PRKCE: variants seen among roughly 807,000 people sequenced by gnomAD.
The protein encoded by PRKCE is protein kinase C epsilon, also known as protein kinase C epsilon type.
In PRKCE, 16 loss-of-function variants were observed where a neutral mutation model predicts 85.4. That is an observed-to-expected ratio of 0.19 (90% confidence interval 0.13 to 0.28). The LOEUF (loss-of-function observed/expected upper bound fraction) is 0.28. PRKCE is among the 10% of genes least tolerant of loss of function. PRKCE has a pLI of 1.00. For missense variants in PRKCE, 573 were observed against 975.2 expected (o/e 0.59, Z 5.49); for synonymous variants, 388 against 371.5 (o/e 1.04, Z -0.51).
intron 2 of PRKCE, among the ~76,000 whole-genome samples, chr2:45,936,003 G>C (rs1182904561): frequency 6.6e-6 from 1 of 152,178 alleles, no homozygotes; most frequent in Admixed American, 6.5e-5. Context: ...GGGTTCCCAT[G>C]TCTATTGGTG....
intron 11 of PRKCE, among the ~76,000 whole-genome samples, chr2:46,106,977 C>A (rs1024840751): frequency 2.6e-5 from 4 of 152,230 alleles, no homozygotes; most frequent in Non-Finnish European, 4.4e-5. Flanking sequence ...TGCACTCCAT[C>A]TGGGATTTCT....
At chr2:46,007,372 G>C in intron 8 of PRKCE, 90 bp from the exon 9 acceptor site, 3 of 1,298,264 alleles carry the variant, frequency 2.3e-6, no homozygotes, top group South Asian at 1.3e-5. Flanking sequence ...AGGACTGAGA[G>C]CTTACAGGGG....
At chr2:46,009,091 G>A (rs958129664) in intron 9 of PRKCE, among the ~76,000 whole-genome samples, 5 of 152,192 alleles carry the variant, frequency 3.3e-5, no homozygotes, top group Admixed American at 2.0e-4. Flanking sequence ...GTAGGTAAAT[G>A]AGTGCAAAAA....
At chr2:46,116,766 A>G (rs1213803354) in intron 11 of PRKCE, among the ~76,000 whole-genome samples, 1 of 152,126 alleles carries the variant, frequency 6.6e-6, no homozygotes, top group Non-Finnish European at 1.5e-5. Flanking sequence ...AAGCCCCTTG[A>G]AGGTCTGGCT....
intron 1 of PRKCE, among the ~76,000 whole-genome samples, chr2:45,724,355 C>T (rs934111679): frequency 3.3e-5 from 5 of 152,184 alleles, no homozygotes; most frequent in African/African-American, 1.2e-4. Flanking sequence ...CCTTACTGCT[C>T]CTCCAACTAG....
intron 1 of PRKCE, among the ~76,000 whole-genome samples, chr2:45,815,571 C>T (rs1451513637): frequency 6.6e-6 from 1 of 152,208 alleles, no homozygotes; most frequent in African/African-American, 2.4e-5. Flanking sequence ...GAAGCACTTC[C>T]TGACCAGTCA....
At chr2:46,025,100 ATTG>A (rs916416476) in intron 10 of PRKCE, among the ~76,000 whole-genome samples, 1 of 152,222 alleles carries the variant, frequency 6.6e-6, no homozygotes, top group African/African-American at 2.4e-5. Context: ...TGTAGGTGTG[ATTG>A]TTGACCTTGC....
chr2:45,835,883 C>T (rs1042688291), intron 1 of PRKCE, among the ~76,000 whole-genome samples: 1 of 152,198 alleles, frequency 6.6e-6, no homozygotes, highest in Non-Finnish European at 1.5e-5. Context: ...GGGTGAGCCA[C>T]CGTGCCCGGT....
intron 10 of PRKCE, among the ~76,000 whole-genome samples, chr2:46,034,616 C>A (rs1383895225): frequency 6.6e-6 from 1 of 152,216 alleles, no homozygotes; most frequent in Non-Finnish European, 1.5e-5. Flanking sequence ...CTGTCAGCTT[C>A]CCCTCCTGTA....
chr2:46,093,677 T>G (rs1216975989), intron 11 of PRKCE, among the ~76,000 whole-genome samples: 1 of 152,044 alleles, frequency 6.6e-6, no homozygotes, highest in Non-Finnish European at 1.5e-5. Context: ...TACACAGGCA[T>G]GAACCATGGC....
At chr2:46,031,604 G>GTA (rs1558982898) in intron 10 of PRKCE, among the ~76,000 whole-genome samples, 1 of 121,812 alleles carries the variant, frequency 8.2e-6, no homozygotes, top group Non-Finnish European at 1.7e-5. Flanking sequence ...GTGTGTGTGT[G>GTA]TGTGTGTGTG....
intron 1 of PRKCE, among the ~76,000 whole-genome samples, chr2:45,678,532 C>T (rs547309485): frequency 9.2e-5 from 14 of 152,146 alleles, no homozygotes; most frequent in African/African-American, 2.6e-4. Context: ...TGAACGTGCA[C>T]GCCTGATTTA....
chr2:45,730,869 C>T (rs1201412961), intron 1 of PRKCE, among the ~76,000 whole-genome samples: 1 of 152,172 alleles, frequency 6.6e-6, no homozygotes, highest in African/African-American at 2.4e-5. Flanking sequence ...GTCTGCCCGA[C>T]AGATCATGGG....
chr2:46,153,187 A>G (rs1028801162), intron 13 of PRKCE, among the ~76,000 whole-genome samples: 3 of 152,198 alleles, frequency 2.0e-5, no homozygotes, highest in Non-Finnish European at 4.4e-5. Context: ...TATTATTTTT[A>G]ATAAATTAAA....
chr2:45,709,842 C>T (rs1299712821), intron 1 of PRKCE, among the ~76,000 whole-genome samples: 1 of 152,156 alleles, frequency 6.6e-6, no homozygotes, highest in East Asian at 1.9e-4. Context: ...GACAGTCTCA[C>T]TCTGTCACCC....
At chr2:45,681,593 G>A (rs1676908413) in intron 1 of PRKCE, among the ~76,000 whole-genome samples, 1 of 152,124 alleles carries the variant, frequency 6.6e-6, no homozygotes, top group Non-Finnish European at 1.5e-5. Flanking sequence ...TCCTTGAGCT[G>A]TTTCATCTGA....
chr2:45,807,864 C>T (rs1688360960), intron 1 of PRKCE, among the ~76,000 whole-genome samples: 2 of 152,014 alleles, frequency 1.3e-5, no homozygotes, highest in Admixed American at 6.6e-5. Flanking sequence ...CCTGCCCCAC[C>T]CGATTTCTAC....
intron 1 of PRKCE, among the ~76,000 whole-genome samples, chr2:45,783,379 C>T (rs900165244): frequency 2.0e-5 from 3 of 152,150 alleles, no homozygotes; most frequent in Non-Finnish European, 4.4e-5. Flanking sequence ...CACATAGACC[C>T]CCACCCACCG....
intron 2 of PRKCE, among the ~76,000 whole-genome samples, chr2:45,917,050 C>T (rs1386931131): frequency 1.3e-5 from 2 of 152,124 alleles, no homozygotes; most frequent in Admixed American, 6.5e-5. Flanking sequence ...AAGGGGACTC[C>T]AGCAGGTTAC....
Sources: gnomAD v4.1 joint callset for allele counts (sites outside exome capture counted in the v4.1 genomes callset) on GRCh38, gnomAD v4.1.1 for gene constraint, MANE v1.5 for transcripts, NCBI Gene and HGNC (gene_info 2026-07-23, HGNC 2026-07-21) for gene names.